DDAH1: variants seen among roughly 807,000 people sequenced by gnomAD.
DDAH1 encodes dimethylarginine dimethylaminohydrolase 1.
DDAH1 carries 19 observed loss-of-function variants against 28.8 expected under a neutral mutation model. The observed-to-expected ratio is 0.66, with a 90% CI of 0.46 to 0.97. The LOEUF is 0.97. Ranked by LOEUF, DDAH1 falls within the 50% of genes least tolerant of loss-of-function variation. The pLI is 0.00. For missense variants in DDAH1, 326 were observed against 375.9 expected, an observed-to-expected ratio of 0.87 and a Z score of 1.10; for synonymous variants, 153 against 154.4, an observed-to-expected ratio of 0.99 and a Z score of 0.07.
chr1:85,543,313 GAAC>G (rs1261091359), intron 1 of DDAH1, among the ~76,000 whole-genome samples: 2 of 152,090 alleles, frequency 1.3e-5, no homozygotes, highest in Non-Finnish European at 1.5e-5. Context: ...GTTTTGAAGA[GAAC>G]AACAACTGCT....
chr1:85,484,717 C>T lies in DDAH1; in HGVS notation c.-7+11449G>A, dbSNP rs372718391. Among the ~76,000 whole-genome samples the T allele has an allele frequency of 3.9e-5, 6 of 152,306 alleles. No homozygotes were observed. In the East Asian group the frequency reaches 1.2e-3, roughly 29 times the overall value. ...ATGTAAACTGTAAATGTAAATTCCACATTAATCCCTAAAAATAATGGTTTA... is the reference window on the plus strand; with the variant it reads ...ATGTAAACTGTAAATGTAAATTCCATATTAATCCCTAAAAATAATGGTTTA... On this transcript the variant is annotated intron_variant, in intron 2 of 6. Transcript: ENST00000426972.
chr1:85,546,586 A>T lies in DDAH1; in HGVS notation c.-123+31398T>A, dbSNP rs142558676. Among the ~76,000 whole-genome samples, 619 of 152,324 alleles carry T rather than the reference A, an allele frequency of 4.1e-3. 10 individuals carry two copies. The highest frequency in any genetic ancestry group is 2.5e-3 in the Non-Finnish European group (169 of 68,028). ...CACTAACTAGAGATAAAAGTCACAT[A>T]CAGAAGAGCTCTAAATCCTTACTAG... On this transcript the variant is annotated intron_variant, in intron 1 of 6. Coordinates refer to the DDAH1 transcript ENST00000426972.
chr1:85,398,873 A>T (rs1017894545), intron 1 of DDAH1: 2 of 152,132 alleles, frequency 1.3e-5, no homozygotes, highest in East Asian at 3.9e-4. Context: ...TCTTTAAAAA[A>T]CCTGAGATCC....
chr1:85,437,590 A>T (rs77099733), intron 1 of DDAH1, among the ~76,000 whole-genome samples: 2 of 152,182 alleles, frequency 1.3e-5, no homozygotes, highest in Non-Finnish European at 2.9e-5. Context: ...ATTAAAATAG[A>T]TAAGACATAC....
At chr1:85,407,886 G>A (rs569312302) in intron 1 of DDAH1, among the ~76,000 whole-genome samples, 1 of 152,206 alleles carries the variant, frequency 6.6e-6, no homozygotes, top group Non-Finnish European at 1.5e-5. Flanking sequence ...CGGCTCTTTT[G>A]GTTACATCTA....
chr1:85,514,184 C>T (rs1657359407), intron 1 of DDAH1, among the ~76,000 whole-genome samples: 1 of 152,160 alleles, frequency 6.6e-6, no homozygotes, highest in South Asian at 2.1e-4. Context: ...CACACATACA[C>T]CATGGAATAC....
intron 2 of DDAH1, among the ~76,000 whole-genome samples, chr1:85,478,575 C>A (rs1352495405): frequency 1.3e-5 from 2 of 152,202 alleles, no homozygotes; most frequent in Non-Finnish European, 2.9e-5. Context: ...GGAAAACCCA[C>A]CCCCATGATT....
At chr1:85,397,474 T>C (rs565231958) in intron 1 of DDAH1, among the ~76,000 whole-genome samples, 2 of 152,312 alleles carry the variant, frequency 1.3e-5, no homozygotes, top group Non-Finnish European at 2.9e-5. Context: ...AGGGTTTTTA[T>C]TGCTTTTTTA....
chr1:85,557,137 G>T (rs1026232072), intron 1 of DDAH1, among the ~76,000 whole-genome samples: 2 of 152,004 alleles, frequency 1.3e-5, no homozygotes, highest in Non-Finnish European at 2.9e-5. Flanking sequence ...GAAAAGAAAA[G>T]AATAAAAGCT....
chr1:85,454,610 CACAA>C (rs1654805435), intron 1 of DDAH1, among the ~76,000 whole-genome samples: 1 of 151,470 alleles, frequency 6.6e-6, no homozygotes, highest in African/African-American at 2.4e-5. Context: ...AATCAGTATA[CACAA>C]ACATAGTGTG....
intron 2 of DDAH1, among the ~76,000 whole-genome samples, chr1:85,471,756 C>T (rs149949959): frequency 3.8e-3 from 583 of 152,302 alleles, no homozygotes; most frequent in African/African-American, 0.013. Flanking sequence ...AAAGTGCCCA[C>T]GACAGTGATA....
intron 1 of DDAH1, among the ~76,000 whole-genome samples, chr1:85,441,033 G>A (rs1442651524): frequency 6.6e-6 from 1 of 152,240 alleles, no homozygotes; most frequent in Non-Finnish European, 1.5e-5. Context: ...AAAGTGGCAT[G>A]TCAGCCCTGC....
rs1557686884 is a variant in DDAH1 at position 85,491,043 on chromosome 1, A to ACTCTTTTTTTTTT, written c.-7+5122_-7+5123insAAAAAAAAAAGAG. Among the ~76,000 whole-genome samples, 10 of 79,340 alleles carry ACTCTTTTTTTTTT rather than the reference A, an allele frequency of 1.3e-4. 5 individuals are homozygous for ACTCTTTTTTTTTT. The highest frequency in any genetic ancestry group is 1.9e-4 in the Non-Finnish European group (8 of 42,166). 52.1% of individuals were successfully genotyped at this position (79,340 alleles called of 152,430 possible). A position where few individuals can be genotyped will look rare whatever the true frequency, so the allele number is the denominator to read the frequency against. On this transcript the variant is annotated intron_variant, in intron 2 of 6. Coordinates refer to the DDAH1 transcript ENST00000426972. ...TCTTCTAATGACAACAGTAACATGT[A>ACTCTTTTTTTTTT]TTCTTTTTTTTTTTTTTTTTTTTGA...
rs1011046523 is a variant in DDAH1, at chr1:85,550,103, A to G, written c.-123+27881T>C. Among the ~76,000 whole-genome samples, 5 of 152,184 alleles carry G rather than the reference A, an allele frequency of 3.3e-5. No homozygotes were observed. In the South Asian group the frequency reaches 8.3e-4, roughly 25 times the overall value. On this transcript the variant is annotated intron_variant, in intron 1 of 6. Coordinates refer to the DDAH1 transcript ENST00000426972. ...GAAATTGCAAGTCAAATTACCGTCA[A>G]TTGGATTCTATTTACATATTTACAT...
At chr1:85,359,172 G>A (rs1649653489) in intron 1 of DDAH1, among the ~76,000 whole-genome samples, 1 of 152,222 alleles carries the variant, frequency 6.6e-6, no homozygotes, top group Non-Finnish European at 1.5e-5. Context: ...AGTACGACCA[G>A]TTAATGCACC....
At chr1:85,426,073 T>C (rs567272240) in intron 1 of DDAH1, among the ~76,000 whole-genome samples, 27 of 152,304 alleles carry the variant, frequency 1.8e-4, no homozygotes, top group Middle Eastern at 3.4e-3. Context: ...AAGAATTAAA[T>C]TGATGAATAC....
At chr1:85,559,332 G>A (rs1023888951) in intron 1 of DDAH1, among the ~76,000 whole-genome samples, 5 of 152,026 alleles carry the variant, frequency 3.3e-5, no homozygotes, top group East Asian at 1.9e-4. Flanking sequence ...AATAGGCCTC[G>A]AATGGGTCAA....
At chr1:85,404,647 T>C in intron 1 of DDAH1, 1 of 596,938 alleles carries the variant, frequency 1.7e-6, no homozygotes, top group Admixed American at 4.4e-5. Flanking sequence ...TAGACTCAAG[T>C]ATTTCTTTAA....
intron 2 of DDAH1, among the ~76,000 whole-genome samples, chr1:85,358,161 T>C (rs777969093): frequency 1.2e-4 from 19 of 152,200 alleles, no homozygotes; most frequent in Non-Finnish European, 2.8e-4. Flanking sequence ...AGAAGCAAGA[T>C]ACAAAGTGGT....
Sources: gnomAD v4.1 joint callset for allele counts (sites outside exome capture counted in the v4.1 genomes callset) on GRCh38, gnomAD v4.1.1 for gene constraint, MANE v1.5 for transcripts, NCBI Gene and HGNC (gene_info 2026-07-23, HGNC 2026-07-21) for gene names.